MAGI2: variants seen among roughly 807,000 people sequenced by gnomAD.
MAGI2 encodes membrane associated guanylate kinase, WW and PDZ domain containing 2.
A neutral mutation model predicts 133.3 loss-of-function variants in MAGI2; 35 were observed. That is an observed-to-expected ratio of 0.26 (90% CI 0.20 to 0.35). MAGI2 has a LOEUF of 0.35. Among genes scored for constraint, MAGI2 ranks in the 10% least tolerant of loss-of-function variants. MAGI2 has a pLI of 1.00. For missense variants in MAGI2, 1,636 were observed against 1,863.4 expected, an observed-to-expected ratio of 0.88 and a Z score of 2.25; for synonymous variants, 729 against 710.6, an observed-to-expected ratio of 1.03 and a Z score of -0.41.
At chr7:79,275,053 G>A (rs115506756) in intron 1 of MAGI2, among the ~76,000 whole-genome samples, 1 of 151,934 alleles carries the variant, frequency 6.6e-6, no homozygotes, top group Non-Finnish European at 1.5e-5. Context: ...ACTGAAATTA[G>A]GACAACAAAT....
rs146529788 is a variant in MAGI2 at position 79,213,325 on chromosome 7, TACACAC to T, written c.302-206125_302-206120del. 1.5e-4 allele frequency among the ~76,000 whole-genome samples: 22 copies of T among 145,468 alleles called. 1 individual carries two copies. The highest frequency in any genetic ancestry group is 4.9e-4 in the African/African-American group (19 of 38,808). ...GTGTATTTACACACACGTACACACG[TACACAC>T]ACACACACACACACACACATATATT... On this transcript the variant is annotated intron_variant, in intron 1 of 21. Coordinates refer to ENST00000354212, the MANE Select transcript of MAGI2 (RefSeq NM_012301.4).
At position 78,783,382 on chromosome 7, in the gene MAGI2, C is replaced by T. The variant is rs189450016; in HGVS notation, c.419-156143G>A. 2.7e-3 allele frequency among the ~76,000 whole-genome samples: 407 copies of T among 152,098 alleles called. 3 individuals are homozygous for T. The highest frequency in any genetic ancestry group is 9.2e-3 in the African/African-American group (382 of 41,482). ...TTTTCCTGACATAAAGCCATGTCAGCGTTATTTTTGGAGGATGTTGATTTA... is the reference window on the plus strand; with the variant it reads ...TTTTCCTGACATAAAGCCATGTCAGTGTTATTTTTGGAGGATGTTGATTTA... On this transcript the variant is annotated intron_variant, in intron 2 of 21. Coordinates refer to ENST00000354212, the MANE Select transcript of MAGI2 (RefSeq NM_012301.4).
intron 2 of MAGI2, among the ~76,000 whole-genome samples, chr7:78,727,396 C>T (rs1475620434): frequency 2.6e-5 from 4 of 152,182 alleles, no homozygotes; most frequent in African/African-American, 9.7e-5. Flanking sequence ...GACTTTACTA[C>T]ACTCTAAGTG....
chr7:78,719,664 G>T (rs929288373), intron 2 of MAGI2, among the ~76,000 whole-genome samples: 2 of 152,184 alleles, frequency 1.3e-5, no homozygotes, highest in Non-Finnish European at 2.9e-5. Context: ...TCCTATTGCT[G>T]CTATTAAGAG....
intron 1 of MAGI2, among the ~76,000 whole-genome samples, chr7:79,241,418 TC>T (rs2129555008): frequency 6.6e-6 from 1 of 152,330 alleles, no homozygotes; most frequent in African/African-American, 2.4e-5. Context: ...CTGTCTGTCC[TC>T]CCTTATTCTG....
intron 6 of MAGI2, among the ~76,000 whole-genome samples, chr7:78,403,927 G>T (rs1246730583): frequency 6.6e-6 from 1 of 152,102 alleles, no homozygotes; most frequent in African/African-American, 2.4e-5. Context: ...CATCATCTTA[G>T]CCCAAAATCT....
chr7:78,977,545 T>G (rs1804400925), intron 2 of MAGI2, among the ~76,000 whole-genome samples: 1 of 149,304 alleles, frequency 6.7e-6, no homozygotes, highest in South Asian at 2.1e-4. Context: ...ACCTTACAAT[T>G]TACACAAAAA....
chr7:78,865,735 AC>A (rs1343479060), intron 2 of MAGI2, among the ~76,000 whole-genome samples: 1 of 152,208 alleles, frequency 6.6e-6, no homozygotes, highest in Non-Finnish European at 1.5e-5. Context: ...TCTTATGTTT[AC>A]AGATTTTTAG....
intron 1 of MAGI2, among the ~76,000 whole-genome samples, chr7:79,369,925 T>C (rs1015808372): frequency 1.3e-5 from 2 of 152,154 alleles, no homozygotes; most frequent in Non-Finnish European, 2.9e-5. Flanking sequence ...GCAAATTCTA[T>C]AGTAAATTTA....
At chr7:78,866,493 T>A (rs1282332801) in intron 2 of MAGI2, among the ~76,000 whole-genome samples, 1 of 152,012 alleles carries the variant, frequency 6.6e-6, no homozygotes, top group Non-Finnish European at 1.5e-5. Context: ...ATTAGTCAAG[T>A]TTCTATCTCT....
chr7:78,478,196 G>A (rs1248122753), intron 6 of MAGI2, among the ~76,000 whole-genome samples: 1 of 151,808 alleles, frequency 6.6e-6, no homozygotes, highest in East Asian at 1.9e-4. Flanking sequence ...CAAATATGTG[G>A]TATTTGGTTT....
intron 2 of MAGI2, chr7:78,946,813 T>C (rs985655236): frequency 2.0e-5 from 3 of 152,264 alleles, no homozygotes; most frequent in Non-Finnish European, 2.9e-5. Context: ...AGTTAAAAAA[T>C]ATATTTTTAT....
chr7:78,551,790 G>A (rs1302641159), intron 3 of MAGI2, among the ~76,000 whole-genome samples: 1 of 152,324 alleles, frequency 6.6e-6, no homozygotes, highest in African/African-American at 2.4e-5. Context: ...TGTTACCCAG[G>A]CTGGAGGGCA....
chr7:79,194,771 C>G (rs1049538765), intron 1 of MAGI2, among the ~76,000 whole-genome samples: 15 of 150,968 alleles, frequency 9.9e-5, no homozygotes, highest in African/African-American at 3.7e-4. Context: ...CTTAGGTCTT[C>G]AGTTTGAAGA....
At chr7:79,318,334 C>G (rs899329280) in intron 1 of MAGI2, among the ~76,000 whole-genome samples, 1 of 152,012 alleles carries the variant, frequency 6.6e-6, no homozygotes, top group Non-Finnish European at 1.5e-5. Flanking sequence ...AAGGTGCTGG[C>G]CAAGTGGGTT....
At chr7:78,293,481 T>C (rs1796929003) in intron 9 of MAGI2, among the ~76,000 whole-genome samples, 2 of 152,214 alleles carry the variant, frequency 1.3e-5, no homozygotes, top group South Asian at 2.1e-4. Flanking sequence ...TTTTACACTG[T>C]TGGTGGGACT....
In MAGI2 at chr7:78,028,249, G is replaced by A. The variant is rs140129623; in HGVS notation, c.3707-8273C>T. ...GCCATCGTTAATGGCCTTCAAACATGTATTTGTTTCACTTATATTACCAGA... is the reference window on the plus strand; with the variant it reads ...GCCATCGTTAATGGCCTTCAAACATATATTTGTTTCACTTATATTACCAGA... On this transcript the variant is annotated intron_variant, in intron 21 of 21. Coordinates refer to ENST00000354212, the MANE Select transcript of MAGI2 (RefSeq NM_012301.4). 2.3e-3 allele frequency among the ~76,000 whole-genome samples: 355 copies of A among 152,318 alleles called. 1 individual carries two copies. Among genetic ancestry groups the A allele is most frequent in the African/African-American group, 8.2e-3 (342 of 41,582 alleles).
intron 15 of MAGI2, among the ~76,000 whole-genome samples, chr7:78,161,625 A>G (rs1396142094): frequency 1.3e-5 from 2 of 150,934 alleles, no homozygotes; most frequent in African/African-American, 2.4e-5. Context: ...AGTCAGGGAG[A>G]AAAAACAAAG....
At chr7:78,916,249 G>A (rs1299845175) in intron 2 of MAGI2, among the ~76,000 whole-genome samples, 1 of 151,820 alleles carries the variant, frequency 6.6e-6, no homozygotes, top group Non-Finnish European at 1.5e-5. Flanking sequence ...TGTGTATAAT[G>A]CTTCACACAA....
Sources: allele counts gnomAD v4.1 joint callset (sites outside exome capture counted in the v4.1 genomes callset), GRCh38; gene constraint gnomAD v4.1.1; transcripts MANE v1.5; gene names NCBI Gene and HGNC (gene_info 2026-07-23, HGNC 2026-07-21).